Variants in C11orf16 observed in about 807,000 individuals in gnomAD.
C11orf16 encodes the protein uncharacterized protein C11orf16.
A neutral mutation model predicts 45.1 loss-of-function variants in C11orf16; 38 were observed. The ratio of observed to expected loss-of-function variants is 0.84; its 90% CI spans 0.65 to 1.10. The LOEUF (loss-of-function observed/expected upper bound fraction) is 1.10, where lower values mean the gene tolerates loss of function less well. C11orf16 is among the 50% of genes least tolerant of loss of function. The pLI is 0.00. For missense variants in C11orf16, 583 were observed against 569.5 expected (o/e 1.02, Z -0.24); for synonymous variants, 221 against 222.0 (o/e 1.00, Z 0.04).
intron 5 of C11orf16, among the ~76,000 whole-genome samples, chr11:8,924,083 A>G (rs1259666659): frequency 6.6e-6 from 1 of 152,016 alleles, no homozygotes; most frequent in Admixed American, 6.6e-5. Flanking sequence ...ATCCTCATAT[A>G]AAATCCAAGT....
chr11:8,921,402 G>A lies in C11orf16; in HGVS notation c.1318C>T (p.Pro440Ser), dbSNP rs745361329. The change falls in exon 6 of 7, where the codon CCA becomes TCA. Residue 440 changes from proline (P) to serine (S), a missense_variant. By Grantham distance (74) the Pro-to-Ser change is moderately conservative (BLOSUM62 -1). Transcript: ENST00000326053. ...GCTTCCCCTGGCGGGGTCCGCGGTG[G>A]CTTCATGTGGGTTGCTTTCGAGACC... ...ELVSKATHMK[P>S]PRTPPGEAEH... is the part of the protein sequence containing the mutation. 30 of 1,614,082 alleles carry A rather than the reference G, an allele frequency of 1.9e-5. No homozygotes were observed. The highest frequency in any genetic ancestry group is 2.2e-5 in the Non-Finnish European group (26 of 1,180,044).
rs1318357374 is a variant in C11orf16, at chr11:8,932,206, G to A, written c.103C>T (p.Leu35Phe). 6.3e-7 allele frequency: 1 copy of A among 1,598,706 alleles called. No homozygotes were observed. Among genetic ancestry groups the A allele is most frequent in the East Asian group, 2.3e-5 (1 of 44,412 alleles). Reference protein sequence around the residue: ...GWDGAAPPWDLSFTYPFALQA... With the variant: ...GWDGAAPPWDFSFTYPFALQA... ...AGGGCAAAGGGGTAGGTGAAGGAGA[G>A]GTCCCAAGGTGGAGCAGCACCGTCC... The change falls in exon 2 of 7, where the codon CTC becomes TTC. Residue 35 changes from leucine to phenylalanine, a missense_variant. Coordinates refer to ENST00000326053, the MANE Select transcript of C11orf16 (RefSeq NM_020643.3).
rs1321232472 is a variant in C11orf16 at position 8,929,363 on chromosome 11, G to A, written c.324+14C>T. 1.9e-6 allele frequency: 3 copies of A among 1,611,750 alleles called. No homozygotes were observed. The highest frequency in any genetic ancestry group is 2.2e-5 in the East Asian group (1 of 44,896). On this transcript the variant is annotated intron_variant, in intron 3 of 6. Transcript: ENST00000326053. ...GAGGAGCACGCCAGGGAGATACTGG[G>A]GTCAGGGACTTGCCTCGGGAGTGGC...
Position 8,923,033 on chromosome 11 carries a change from A to C in C11orf16, c.1205-1518T>G, listed in dbSNP as rs183043733. ...ACACAAGATCCAGTATTTAACAGGA[A>C]AGCCCGGCCAAGTACCTGAAGATAC... On this transcript the variant is annotated intron_variant, in intron 5 of 6. Coordinates refer to ENST00000326053, the MANE Select transcript of C11orf16 (RefSeq NM_020643.3). 1.7e-4 allele frequency among the ~76,000 whole-genome samples: 26 copies of C among 152,346 alleles called. No individual in the cohort carries two copies. In the East Asian group the frequency reaches 4.4e-3, roughly 26 times the overall value.
intron 6 of C11orf16, 84 bp downstream of exon 6, chr11:8,921,210 G>T: frequency 9.7e-7 from 1 of 1,035,768 alleles, no homozygotes; most frequent in Non-Finnish European, 1.5e-6. Flanking sequence ...AGGTTTTACT[G>T]TTCTCAAAGG....
intron 6 of C11orf16, 111 bp downstream of exon 6, chr11:8,921,183 C>T: frequency 1.2e-6 from 1 of 807,630 alleles, no homozygotes; most frequent in East Asian, 2.5e-5. Flanking sequence ...GTGCATTTTT[C>T]TAGGACAAGG....
Position 8,925,987 on chromosome 11 carries a change from T to C in C11orf16, c.680A>G (p.Lys227Arg). Residue 227 changes from lysine to arginine, a missense_variant, in exon 5 of 7, where the codon AAG becomes AGG. Coordinates refer to ENST00000326053, the MANE Select transcript of C11orf16 (RefSeq NM_020643.3). ...CCTGGGGTGCTCCCTGGTGAAAGAC[T>C]TGTGCAGCCTCTCCACAGCCTTCTT... ...IWKKAVERLH[K>R]SFTREHPRPL... The C allele has an allele frequency of 6.2e-7, 1 of 1,614,110 alleles. No homozygotes were observed. Among genetic ancestry groups the C allele is most frequent in the Non-Finnish European group, 8.5e-7 (1 of 1,180,012 alleles).
chr11:8,927,940 G>A (rs963423576), intron 3 of C11orf16, among the ~76,000 whole-genome samples: 4 of 151,958 alleles, frequency 2.6e-5, no homozygotes, highest in Admixed American at 6.6e-5. Context: ...ACGGAGTTTC[G>A]CTCGTCACCC....
At chr11:8,927,249 T>A (rs1288646290) in intron 3 of C11orf16, 75 bp from the exon 4 acceptor site, 24 of 1,207,832 alleles carry the variant, frequency 2.0e-5, no homozygotes, top group Non-Finnish European at 2.8e-5. Context: ...TTCCCTACGA[T>A]GCCCCCCAAA....
intron 3 of C11orf16, 111 bp from the exon 4 acceptor site, chr11:8,927,285 C>T: frequency 1.3e-6 from 1 of 750,758 alleles, no homozygotes; most frequent in Non-Finnish European, 2.2e-6. Flanking sequence ...GCCTTCCAAA[C>T]AGTGACAGGC....
rs2064635349 is a variant in C11orf16 at position 8,929,365 on chromosome 11, T to C, written c.324+12A>G. 1.2e-6 allele frequency: 2 copies of C among 1,611,846 alleles called. No individual in the cohort carries two copies. The highest frequency in any genetic ancestry group is 1.7e-5 in the Admixed American group (1 of 59,874). On this transcript the variant is annotated intron_variant, in intron 3 of 6. Coordinates refer to ENST00000326053, the MANE Select transcript of C11orf16 (RefSeq NM_020643.3). ...GGAGCACGCCAGGGAGATACTGGGGTCAGGGACTTGCCTCGGGAGTGGCCT... is the reference window on the plus strand; with the variant it reads ...GGAGCACGCCAGGGAGATACTGGGGCCAGGGACTTGCCTCGGGAGTGGCCT...
At position 8,932,328 on chromosome 11, in the gene C11orf16, T is replaced by C. The variant is rs748746799; in HGVS notation, c.-18-2A>G. The C allele has an allele frequency of 5.1e-6, 8 of 1,573,516 alleles. No individual in the cohort carries two copies. In the Admixed American group the frequency reaches 1.1e-4, roughly 22 times the overall value. ...TTCCATGGCCTTCAGAGGATCCACCTGAGAATAGGCACCACCATTACCTGA... is the reference window on the plus strand; with the variant it reads ...TTCCATGGCCTTCAGAGGATCCACCCGAGAATAGGCACCACCATTACCTGA... On this transcript the variant is annotated splice_acceptor_variant, in intron 1 of 6. Transcript: ENST00000326053. LOFTEE classifies it low-confidence loss of function (5UTR_SPLICE).
chr11:8,926,913 C>A, intron 4 of C11orf16, 27 bp downstream of exon 4: 3 of 1,591,172 alleles, frequency 1.9e-6, no homozygotes, highest in Middle Eastern at 2.1e-4. Flanking sequence ...CTTCTGGGCA[C>A]TGATGGGTCA....
chr11:8,929,203 C>A (rs2064634186), intron 3 of C11orf16, 174 bp downstream of exon 3: 2 of 625,026 alleles, frequency 3.2e-6, no homozygotes, highest in Non-Finnish European at 2.6e-6. Flanking sequence ...GTTAGGGAGC[C>A]CTAGCAAACT....
chr11:8,929,607 G>A (rs565894301), intron 2 of C11orf16, 74 bp from the exon 3 acceptor site: 1 of 1,364,668 alleles, frequency 7.3e-7, no homozygotes, highest in East Asian at 2.5e-5. Flanking sequence ...CGTTTCGCAG[G>A]TACATCTGAG....
intron 5 of C11orf16, 148 bp from the exon 6 acceptor site, chr11:8,921,663 A>G (rs1566110699): frequency 1.2e-6 from 1 of 814,552 alleles, no homozygotes. Context: ...TCTTGCTATT[A>G]TCACCCAGGC....
chr11:8,929,666 T>A (rs548328224), intron 2 of C11orf16, 133 bp from the exon 3 acceptor site: 1 of 868,224 alleles, frequency 1.2e-6, no homozygotes, highest in Non-Finnish European at 1.7e-6. Context: ...ATATGGAAAG[T>A]GGCAATCTAT....
intron 3 of C11orf16, among the ~76,000 whole-genome samples, chr11:8,928,424 CAT>C (rs1385866649): frequency 6.6e-6 from 1 of 152,152 alleles, no homozygotes; most frequent in African/African-American, 2.4e-5. Context: ...TGTGAGCAAA[CAT>C]ATCTCGTTCC....
At position 8,929,450 on chromosome 11, in the gene C11orf16, G is replaced by A. The variant is rs1425269327; in HGVS notation, c.251C>T (p.Ala84Val). 6.2e-7 allele frequency: 1 copy of A among 1,614,160 alleles called. No individual in the cohort carries two copies. The highest frequency in any genetic ancestry group is 2.2e-5 in the East Asian group (1 of 44,872). ...PGWLGRAGDAANTWVLARREA... is the reference protein window; with the variant it reads ...PGWLGRAGDAVNTWVLARREA... ...CCTTCTTGCTAGGACCCATGTGTTG[G>A]CAGCATCTCCAGCTCTTCCCAGCCA... Residue 84 changes from alanine (A) to valine (V), a missense_variant, in exon 3 of 7, where the codon GCC becomes GTC. Coordinates refer to ENST00000326053, the MANE Select transcript of C11orf16 (RefSeq NM_020643.3).
Sources: gnomAD v4.1 joint callset for allele counts (sites outside exome capture counted in the v4.1 genomes callset) on GRCh38, gnomAD v4.1.1 for gene constraint, MANE v1.5 for transcripts, NCBI Gene and HGNC (gene_info 2026-07-23, HGNC 2026-07-21) for gene names.